CDH15: variants seen among roughly 807,000 people sequenced by gnomAD.
CDH15 encodes cadherin-15.
In CDH15, 73 loss-of-function variants were observed where a neutral mutation model predicts 69.4. The observed-to-expected ratio is 1.05, with a 90% CI of 0.87 to 1.28. CDH15 has a LOEUF of 1.28. CDH15 is among the 50% of genes most tolerant of loss of function. The probability of loss-of-function intolerance (pLI) is 0.00; values close to 1 mark genes in which losing one functional copy is unlikely to be tolerated. For synonymous variants in CDH15, 624 were observed against 507.7 expected (o/e 1.23, Z -3.08); for missense variants, 1,343 against 1,133.6 (o/e 1.18, Z -2.65).
At position 89,180,193 on chromosome 16, in the gene CDH15, C is replaced by A; in HGVS notation, c.202-7C>A. The A allele has an allele frequency of 6.2e-7, 1 of 1,610,632 alleles. No homozygotes were observed. ...AGCTCTCCCCAAACCCATTTCCTGCCCCACAGATCAAGTCGGACAAGCAGC... is the reference window on the plus strand; with the variant it reads ...AGCTCTCCCCAAACCCATTTCCTGCACCACAGATCAAGTCGGACAAGCAGC... On this transcript the variant is annotated splice_polypyrimidine_tract_variant and splice_region_variant and intron_variant, in intron 2 of 13. Coordinates refer to ENST00000289746, the MANE Select transcript of CDH15 (RefSeq NM_004933.3).
chr16:89,185,597 C>T (rs1274488458), intron 5 of CDH15: 6 of 551,418 alleles, frequency 1.1e-5, no homozygotes, highest in African/African-American at 3.8e-5. Flanking sequence ...CAAGCAGCCC[C>T]GCCCCTCTCA....
intron 1 of CDH15, among the ~76,000 whole-genome samples, chr16:89,174,417 C>T (rs1034121363): frequency 6.6e-6 from 1 of 152,144 alleles, no homozygotes; most frequent in Non-Finnish European, 1.5e-5. Context: ...CTTGGAAAAC[C>T]GGGGGAGCAG....
chr16:89,193,908 A>G lies in CDH15; in HGVS notation c.2146A>G (p.Asn716Asp), dbSNP rs147397532. ...TSPLDIADFI[N>D]DGLEAADSDP... ...CCCCCTGGACATCGCCGACTTCATC[A>G]ATGATGTAGGTGCTCCTGGGGACAC... The change falls in exon 13 of 14, where the codon AAT becomes GAT. Residue 716 changes from asparagine (N) to aspartate (D), a missense_variant. Physicochemically the swap from Asn to Asp is conservative, Grantham distance 23 (BLOSUM62 1). Transcript: ENST00000289746. The G allele has an allele frequency of 6.3e-5, 102 of 1,611,772 alleles. No individual in the cohort carries two copies. The African/African-American group carries it at 8.0e-4, about 13-fold the overall frequency.
intron 1 of CDH15, among the ~76,000 whole-genome samples, chr16:89,178,132 G>C (rs1915297281): frequency 6.6e-6 from 1 of 152,244 alleles, no homozygotes; most frequent in African/African-American, 2.4e-5. Flanking sequence ...CTAGGCCTCA[G>C]TTTCCCCATC....
At chr16:89,177,356 C>T (rs752700243) in intron 1 of CDH15, among the ~76,000 whole-genome samples, 2 of 152,188 alleles carry the variant, frequency 1.3e-5, no homozygotes, top group Non-Finnish European at 2.9e-5. Flanking sequence ...AACACAGCTC[C>T]TCACTTTTGC....
At chr16:89,172,139 G>T (rs960281882) in intron 1 of CDH15, among the ~76,000 whole-genome samples, 9 of 152,120 alleles carry the variant, frequency 5.9e-5, no homozygotes, top group Admixed American at 4.6e-4. Context: ...CCAGGCAGGG[G>T]CCACCCAGGT....
chr16:89,187,385 C>T, intron 5 of CDH15, 44 bp from the exon 6 acceptor site: 1 of 1,608,950 alleles, frequency 6.2e-7, no homozygotes, highest in Admixed American at 1.7e-5. Context: ...CCCATGTGCC[C>T]CACCTGGGCC....
In CDH15 at chr16:89,181,708, G is replaced by C. The variant is rs541941659; in HGVS notation, c.357+1353G>C. Among the ~76,000 whole-genome samples the C allele has an allele frequency of 1.5e-4, 23 of 152,156 alleles. No homozygotes were observed. The East Asian group carries it at 4.3e-3, about 28-fold the overall frequency. On this transcript the variant is annotated intron_variant, in intron 3 of 13. Transcript: ENST00000289746. The stretch of plus-strand genomic sequence containing the variant: ...TAATCCCAGCAGTTTGGGAGGCCAA[G>C]GCAGGCAGATCATGAGGTCAAGAGA...
In CDH15 at chr16:89,195,245, C is replaced by A; in HGVS notation, c.*90C>A. On this transcript the variant is annotated 3_prime_UTR_variant, in exon 14 of 14. Transcript: ENST00000289746. The stretch of plus-strand genomic sequence containing the variant: ...GCCTGAGGTCACCGGGCCCGACCCC[C>A]CTGGGCCTGGGGCAGCCTCCTTCCT... 1 of 1,344,402 alleles carries A rather than the reference C, an allele frequency of 7.4e-7. No individual in the cohort carries two copies. Among genetic ancestry groups the A allele is most frequent in the South Asian group, 1.5e-5 (1 of 66,414 alleles). 83.3% of individuals were successfully genotyped at this position (1,344,402 alleles called of 1,614,324 possible). A position where few individuals can be genotyped will look rare whatever the true frequency, so the allele number is the denominator to read the frequency against.
chr16:89,186,343 T>C (rs112750015), intron 5 of CDH15, among the ~76,000 whole-genome samples: 25 of 119,672 alleles, frequency 2.1e-4, no homozygotes, highest in African/African-American at 6.1e-4. Context: ...CTGTAAAGGC[T>C]CACCCAGCGC....
chr16:89,187,650 G>T (rs1188092663), intron 6 of CDH15, 93 bp downstream of exon 6: 3 of 1,546,844 alleles, frequency 1.9e-6, no homozygotes, highest in Non-Finnish European at 2.6e-6. Flanking sequence ...TTCATGATGG[G>T]GCAGGAGGAT....
In CDH15 at chr16:89,191,003, G is replaced by C. The variant is rs535212389; in HGVS notation, c.1233-327G>C. 1.7e-4 allele frequency among the ~76,000 whole-genome samples: 26 copies of C among 151,338 alleles called. No individual in the cohort carries two copies. In the East Asian group the frequency reaches 2.5e-3, roughly 15 times the overall value. On this transcript the variant is annotated intron_variant, in intron 8 of 13. Coordinates refer to ENST00000289746, the MANE Select transcript of CDH15 (RefSeq NM_004933.3). ...ACATGGGTTGTGTGTACATGTGTAT[G>C]TGCATATGTGTGTGCACATGTGTGG...
rs773159790 is a variant in CDH15 at position 89,171,785 on chromosome 16, T to A, written c.-47T>A. 5 of 1,537,780 alleles carry A rather than the reference T, an allele frequency of 3.3e-6. No homozygotes were observed. Among genetic ancestry groups the A allele is most frequent in the South Asian group, 2.4e-5 (2 of 84,030 alleles). ...CGCTGTCACTCAGCCTGGACGCGCT[T>A]CTTCGGGTCGCGGGTGCACTCCGGC... is the stretch of plus-strand genomic sequence containing the variant. On this transcript the variant is annotated 5_prime_UTR_variant, in exon 1 of 14. Transcript: ENST00000289746.
intron 5 of CDH15, among the ~76,000 whole-genome samples, chr16:89,186,425 A>T (rs528112860): frequency 5.3e-5 from 7 of 132,212 alleles, no homozygotes; most frequent in Non-Finnish European, 1.1e-4. Context: ...AGCGCACAGT[A>T]GGTGCTCTGT....
At chr16:89,188,891 CAG>C (rs1915565626) in intron 7 of CDH15, among the ~76,000 whole-genome samples, 1 of 147,274 alleles carries the variant, frequency 6.8e-6, no homozygotes, top group Admixed American at 6.8e-5. Flanking sequence ...CCAGCACACA[CAG>C]ATGCCCACAC....
chr16:89,179,767 G>T (rs1441448713), intron 2 of CDH15, among the ~76,000 whole-genome samples, 193 bp downstream of exon 2: 1 of 152,244 alleles, frequency 6.6e-6, no homozygotes, highest in Admixed American at 6.5e-5. Context: ...CCTCCCCATT[G>T]CCCCAGGCCA....
At chr16:89,188,709 G>GCGGCACACACAGATGC (rs1213040607) in intron 7 of CDH15, among the ~76,000 whole-genome samples, 2 of 78,596 alleles carry the variant, frequency 2.5e-5, no homozygotes, top group Admixed American at 1.6e-4. Flanking sequence ...CGCACAGATG[G>GCGGCACACACAGATGC]CGGCACACAC....
At chr16:89,194,390 C>T (rs1352404901) in intron 13 of CDH15, among the ~76,000 whole-genome samples, 3 of 152,348 alleles carry the variant, frequency 2.0e-5, no homozygotes, top group East Asian at 3.9e-4. Flanking sequence ...GCACCTGGCT[C>T]AGAGAAAGCC....
At chr16:89,177,320 C>A (rs914060265) in intron 1 of CDH15, among the ~76,000 whole-genome samples, 17 of 152,118 alleles carry the variant, frequency 1.1e-4, no homozygotes, top group African/African-American at 3.1e-4. Context: ...ACACATGGGG[C>A]CTTAACCACA....
Sources: allele counts gnomAD v4.1 joint callset (sites outside exome capture counted in the v4.1 genomes callset), GRCh38; gene constraint gnomAD v4.1.1; transcripts MANE v1.5; gene names NCBI Gene and HGNC (gene_info 2026-07-23, HGNC 2026-07-21).